Variants in MTIF2 observed in about 807,000 individuals in gnomAD.
MTIF2 encodes translation initiation factor IF-2, mitochondrial.
MTIF2 carries 71 observed loss-of-function variants against 83.5 expected under a neutral mutation model. The ratio of observed to expected loss-of-function variants is 0.85; its 90% CI spans 0.70 to 1.04. The LOEUF is 1.04. MTIF2 is among the 50% of genes least tolerant of loss of function. The pLI is 0.00. For missense variants in MTIF2, 957 were observed against 846.5 expected, an observed-to-expected ratio of 1.13 and a Z score of -1.62; for synonymous variants, 319 against 287.1, an observed-to-expected ratio of 1.11 and a Z score of -1.12.
At chr2:55,256,462 C>T (rs998254200) in intron 5 of MTIF2, among the ~76,000 whole-genome samples, 2 of 152,008 alleles carry the variant, frequency 1.3e-5, no homozygotes, top group African/African-American at 4.8e-5. Context: ...AATCCCAACA[C>T]TTTGGGAGGC....
At chr2:55,248,859 G>A (rs925133584) in intron 9 of MTIF2, among the ~76,000 whole-genome samples, 29 of 152,112 alleles carry the variant, frequency 1.9e-4, no homozygotes, top group African/African-American at 7.0e-4. Flanking sequence ...TCTTTGGTCA[G>A]GCATGGTGGC....
chr2:55,239,326 T>C (rs1196342135), intron 14 of MTIF2, among the ~76,000 whole-genome samples: 2 of 152,188 alleles, frequency 1.3e-5, no homozygotes, highest in African/African-American at 4.8e-5. Context: ...ATCTCAAACA[T>C]TTTCAAATGG....
chr2:55,254,596 G>A lies in MTIF2; in HGVS notation c.503+58C>T, dbSNP rs1677369921. The A allele has an allele frequency of 1.2e-5, 16 of 1,341,994 alleles. No homozygotes were observed. The Admixed American group carries it at 2.4e-4, about 20-fold the overall frequency. 83.1% of individuals were successfully genotyped at this position (1,341,994 alleles called of 1,614,324 possible). On this transcript the variant is annotated intron_variant, in intron 6 of 15. Transcript: ENST00000263629. ...AAAGCAAATCTTTCCATTAAAAAGT[G>A]TAAATATAACTATGTAGTCTCCCCC...
intron 7 of MTIF2, among the ~76,000 whole-genome samples, 168 bp downstream of exon 7, chr2:55,253,873 G>A (rs980927400): frequency 1.3e-5 from 2 of 151,758 alleles, no homozygotes; most frequent in African/African-American, 2.4e-5. Context: ...CTTATAGAAA[G>A]TACAAAACAC....
intron 3 of MTIF2, among the ~76,000 whole-genome samples, chr2:55,264,853 C>T (rs1391188908): frequency 2.0e-5 from 3 of 152,120 alleles, no homozygotes; most frequent in Non-Finnish European, 4.4e-5. Flanking sequence ...TTCTTTTCCT[C>T]CCCGTGGCCT....
intron 10 of MTIF2, among the ~76,000 whole-genome samples, chr2:55,245,571 T>C (rs1342550281): frequency 6.6e-6 from 1 of 152,102 alleles, no homozygotes; most frequent in African/African-American, 2.4e-5. Context: ...AGAAAGGTGG[T>C]TGCCAAGGGC....
At position 55,243,651 on chromosome 2, in the gene MTIF2, A is replaced by C; in HGVS notation, c.1329T>G (p.Val443=). Residue 443 remains valine (V), a synonymous_variant, in exon 12 of 16, where the codon GTT becomes GTG. Transcript: ENST00000263629. ...EVESEPRARE[V]VDWRKYEQEQ... ...CTTGTTCATATTTCCTCCAGTCAACAACTTCACGTGCCCTTGGCTTTATAG... is the reference window on the plus strand; with the variant it reads ...CTTGTTCATATTTCCTCCAGTCAACCACTTCACGTGCCCTTGGCTTTATAG... The C allele has an allele frequency of 6.2e-7, 1 of 1,613,576 alleles. No homozygotes were observed. Among genetic ancestry groups the C allele is most frequent in the African/African-American group, 1.3e-5 (1 of 74,962 alleles).
intron 10 of MTIF2, 56 bp downstream of exon 10, chr2:55,246,281 T>G (rs1676693224): frequency 6.6e-7 from 1 of 1,522,692 alleles, no homozygotes; most frequent in Non-Finnish European, 8.9e-7. Context: ...TGTCATATAA[T>G]CAAGTCACGA....
intron 5 of MTIF2, among the ~76,000 whole-genome samples, chr2:55,256,700 C>CA (rs34921662): frequency 0.7 from 100,427 of 144,084 alleles, 34,959 homozygotes; most frequent in African/African-American, 0.74. Context: ...GACTCCATCT[C>CA]AAAAAAAAAA....
chr2:55,248,304 A>G (rs1676847583), intron 9 of MTIF2, among the ~76,000 whole-genome samples: 4 of 152,218 alleles, frequency 2.6e-5, no homozygotes, highest in Admixed American at 2.6e-4. Flanking sequence ...TTTCAGAGAA[A>G]AAGATGCACA....
chr2:55,242,159 A>G (rs961353734), intron 13 of MTIF2, among the ~76,000 whole-genome samples: 1 of 120,542 alleles, frequency 8.3e-6, no homozygotes, highest in African/African-American at 2.7e-5. Flanking sequence ...AAAAAAAAGA[A>G]AAAAAAAAGT....
intron 5 of MTIF2, among the ~76,000 whole-genome samples, chr2:55,258,186 T>G (rs1677690591): frequency 6.6e-6 from 1 of 152,176 alleles, no homozygotes; most frequent in African/African-American, 2.4e-5. Flanking sequence ...AATTTAGCAA[T>G]AAGCTCACAA....
At chr2:55,262,177 GAAGA>G in intron 5 of MTIF2, 135 bp downstream of exon 5, 1 of 654,760 alleles carries the variant, frequency 1.5e-6, no homozygotes. Context: ...GACTTAAAGT[GAAGA>G]ATATTACAAT....
At chr2:55,264,677 C>T (rs1200065998) in intron 3 of MTIF2, among the ~76,000 whole-genome samples, 1 of 152,142 alleles carries the variant, frequency 6.6e-6, no homozygotes, top group Non-Finnish European at 1.5e-5. Context: ...CGTCTTTGAA[C>T]TCTTAACACT....
chr2:55,255,949 T>C (rs982370951), intron 5 of MTIF2, among the ~76,000 whole-genome samples: 2 of 152,120 alleles, frequency 1.3e-5, no homozygotes, highest in Non-Finnish European at 2.9e-5. Flanking sequence ...CAATCTCGGC[T>C]AGCTGCAGCC....
chr2:55,239,878 G>A, intron 14 of MTIF2, 133 bp downstream of exon 14: 1 of 701,470 alleles, frequency 1.4e-6, no homozygotes. Context: ...GGATTCTCAT[G>A]GTAGTCATTT....
intron 13 of MTIF2, among the ~76,000 whole-genome samples, chr2:55,242,142 CA>C (rs57923810): frequency 0.12 from 10,229 of 88,482 alleles, 1,007 homozygotes; most frequent in African/African-American, 0.33. Flanking sequence ...GCTCTGTCTC[CA>C]AAAAAAAAAA....
At chr2:55,256,348 T>A (rs1029842839) in intron 5 of MTIF2, among the ~76,000 whole-genome samples, 4 of 151,984 alleles carry the variant, frequency 2.6e-5, no homozygotes, top group African/African-American at 9.7e-5. Context: ...TCTGAATACA[T>A]GTATCCGCAA....
Position 55,244,162 on chromosome 2 carries a change from C to T in MTIF2, c.1178G>A (p.Trp393Ter). Residue 393 changes from tryptophan (W) to a stop codon, truncating the protein, a stop_gained, in exon 11 of 16, where the codon TGG (tryptophan) becomes TAG (stop). Coordinates refer to ENST00000263629, the MANE Select transcript of MTIF2 (RefSeq NM_002453.3). LOFTEE classifies it high-confidence loss of function. ...ATCAAACATTAAGCGTACTTTTGCC[C>T]AACATTTTCCAGCAACCAGAACAGA... ...KGSVLVAGKC[W>*]AKVRLMFDEN... 1 of 1,614,052 alleles carries T rather than the reference C, an allele frequency of 6.2e-7. No individual in the cohort carries two copies. Among genetic ancestry groups the T allele is most frequent in the Non-Finnish European group, 8.5e-7 (1 of 1,179,992 alleles).
Sources: allele counts gnomAD v4.1 joint callset (sites outside exome capture counted in the v4.1 genomes callset), GRCh38; gene constraint gnomAD v4.1.1; transcripts MANE v1.5; gene names NCBI Gene and HGNC (gene_info 2026-07-23, HGNC 2026-07-21).